The following PIP5K1B variants were observed in gnomAD, a reference collection of about 807,000 sequenced individuals.
The protein encoded by PIP5K1B is phosphatidylinositol-4-phosphate 5-kinase type 1 beta, also known as phosphatidylinositol 4-phosphate 5-kinase type-1 beta.
In PIP5K1B, 42 loss-of-function variants were observed where a neutral mutation model predicts 67.0. That is an observed-to-expected ratio of 0.63 (90% confidence interval 0.49 to 0.81). The LOEUF (loss-of-function observed/expected upper bound fraction) is 0.81, where lower values mean the gene tolerates loss of function less well. Ranked by LOEUF, PIP5K1B falls within the 30% of genes least tolerant of loss-of-function variation. The pLI is 0.00. For synonymous variants in PIP5K1B, 214 were observed against 231.4 expected, an observed-to-expected ratio of 0.92 and a Z score of 0.68; for missense variants, 459 against 646.3, an observed-to-expected ratio of 0.71 and a Z score of 3.14.
chr9:68,941,010 T>G, intron 14 of PIP5K1B: 1 of 643,492 alleles, frequency 1.6e-6, no homozygotes, highest in South Asian at 1.5e-5. Flanking sequence ...TTATGTCATG[T>G]AGAAATTATA....
chr9:68,888,956 A>G, intron 6 of PIP5K1B, 25 bp from the exon 7 acceptor site: 1 of 1,530,860 alleles, frequency 6.5e-7, no homozygotes, highest in Non-Finnish European at 9.0e-7. Flanking sequence ...TATATGTTTT[A>G]ATGTTTATTC....
In PIP5K1B at chr9:68,889,147, C is replaced by T; in HGVS notation, c.471+14C>T. ...GGCTATTACATGGTAAGGAACTGCA[C>T]ATCATTAATGCTTCTACTTGAAGTT... On this transcript the variant is annotated intron_variant, in intron 7 of 15. Coordinates refer to ENST00000265382, the MANE Select transcript of PIP5K1B (RefSeq NM_003558.4). 3 of 1,594,716 alleles carry T rather than the reference C, an allele frequency of 1.9e-6. No individual in the cohort carries two copies. Among genetic ancestry groups the T allele is most frequent in the Non-Finnish European group, 2.6e-6 (3 of 1,165,438 alleles).
intron 2 of PIP5K1B, among the ~76,000 whole-genome samples, chr9:68,744,543 G>A (rs915205086): frequency 6.6e-6 from 1 of 152,204 alleles, no homozygotes; most frequent in African/African-American, 2.4e-5. Flanking sequence ...CCCTTCCCCT[G>A]GCTAGGGCCT....
At chr9:68,779,914 A>G (rs1831134065) in intron 2 of PIP5K1B, 1 of 445,332 alleles carries the variant, frequency 2.2e-6, no homozygotes. Flanking sequence ...CTATTTGCCG[A>G]AGGAATATAC....
At chr9:68,986,676 T>C (rs930908378) in intron 14 of PIP5K1B, among the ~76,000 whole-genome samples, 3 of 152,246 alleles carry the variant, frequency 2.0e-5, no homozygotes, top group African/African-American at 7.2e-5. Context: ...ATTTCTTTTT[T>C]CTGTAATCAT....
chr9:68,819,528 G>A (rs548981505), intron 3 of PIP5K1B, among the ~76,000 whole-genome samples: 52 of 152,178 alleles, frequency 3.4e-4, no homozygotes, highest in Middle Eastern at 3.4e-3. Context: ...CCATCCTGGC[G>A]TCCCAAAGTG....
At chr9:68,758,983 T>C (rs1830067631) in intron 2 of PIP5K1B, among the ~76,000 whole-genome samples, 1 of 152,144 alleles carries the variant, frequency 6.6e-6, no homozygotes, top group Admixed American at 6.6e-5. Flanking sequence ...CTCAGAGTTC[T>C]ATATTCAGCA....
intron 2 of PIP5K1B, among the ~76,000 whole-genome samples, chr9:68,755,510 A>C (rs914000703): frequency 3.3e-5 from 5 of 152,230 alleles, no homozygotes; most frequent in Non-Finnish European, 5.9e-5. Context: ...TATAAGTAAC[A>C]CAAGATTTTT....
chr9:68,897,657 C>G (rs1825156234), intron 8 of PIP5K1B, among the ~76,000 whole-genome samples: 1 of 152,044 alleles, frequency 6.6e-6, no homozygotes, highest in South Asian at 2.1e-4. Context: ...GTCAGAAGAC[C>G]CTTTCTGGTG....
chr9:68,918,549 T>C (rs1826214874), intron 9 of PIP5K1B, among the ~76,000 whole-genome samples: 1 of 152,234 alleles, frequency 6.6e-6, no homozygotes, highest in African/African-American at 2.4e-5. Context: ...TTAATTTGCA[T>C]GTGTAAAATG....
intron 1 of PIP5K1B, among the ~76,000 whole-genome samples, chr9:68,736,758 T>C (rs1828758617): frequency 6.6e-6 from 1 of 152,226 alleles, no homozygotes; most frequent in Admixed American, 6.5e-5. Flanking sequence ...TTCTACACAC[T>C]TTTGTTATTA....
chr9:68,901,456 A>G (rs1185265191), intron 8 of PIP5K1B, among the ~76,000 whole-genome samples: 1 of 152,090 alleles, frequency 6.6e-6, no homozygotes, highest in Non-Finnish European at 1.5e-5. Flanking sequence ...ATAAGGTTTC[A>G]CCATGTTGGC....
intron 2 of PIP5K1B, among the ~76,000 whole-genome samples, chr9:68,773,181 C>G (rs72717924): frequency 0.11 from 16,542 of 152,236 alleles, 1,087 homozygotes; most frequent in Non-Finnish European, 0.16. Context: ...AGATTTGCAG[C>G]CTTTGCATGT....
chr9:68,724,090 G>T (rs1027881278), intron 1 of PIP5K1B, among the ~76,000 whole-genome samples: 1 of 151,924 alleles, frequency 6.6e-6, no homozygotes, highest in Admixed American at 6.6e-5. Flanking sequence ...TCTGCATATG[G>T]ATATCCAGTT....
chr9:68,939,290 T>A (rs1827437115), intron 13 of PIP5K1B, among the ~76,000 whole-genome samples: 1 of 152,210 alleles, frequency 6.6e-6, no homozygotes, highest in Non-Finnish European at 1.5e-5. Flanking sequence ...TGTTTTGCTC[T>A]GTCACTCAGG....
At chr9:68,809,057 A>G (rs1311804452) in intron 2 of PIP5K1B, among the ~76,000 whole-genome samples, 4 of 152,364 alleles carry the variant, frequency 2.6e-5, no homozygotes, top group Non-Finnish European at 5.9e-5. Flanking sequence ...ACAAATATTT[A>G]ACATACAGAT....
chr9:68,846,963 A>G (rs1822222006), intron 4 of PIP5K1B, among the ~76,000 whole-genome samples: 1 of 152,226 alleles, frequency 6.6e-6, no homozygotes, highest in African/African-American at 2.4e-5. Context: ...AAAAAACTGC[A>G]GGACCAAAAT....
At chr9:68,886,660 G>C (rs544096083) in intron 6 of PIP5K1B, among the ~76,000 whole-genome samples, 3 of 152,196 alleles carry the variant, frequency 2.0e-5, no homozygotes, top group Non-Finnish European at 4.4e-5. Context: ...GCGGAACCAG[G>C]AAGAGTTTTC....
intron 2 of PIP5K1B, among the ~76,000 whole-genome samples, chr9:68,813,662 C>CA (rs1833281976): frequency 5.9e-5 from 9 of 152,156 alleles, no homozygotes; most frequent in African/African-American, 1.9e-4. Flanking sequence ...AGGGTGAGCT[C>CA]TAACCTAGTA....
Sources: gnomAD v4.1 joint callset for allele counts (sites outside exome capture counted in the v4.1 genomes callset) on GRCh38, gnomAD v4.1.1 for gene constraint, MANE v1.5 for transcripts, NCBI Gene and HGNC (gene_info 2026-07-23, HGNC 2026-07-21) for gene names.